Variants in DGKH observed in about 807,000 individuals in gnomAD.
DGKH encodes the protein DAG kinase eta.
A neutral mutation model predicts 159.3 loss-of-function variants in DGKH; 90 were observed. That is an observed-to-expected ratio of 0.57 (90% confidence interval 0.48 to 0.67). DGKH has a LOEUF of 0.67. Among genes scored for constraint, DGKH ranks in the 30% least tolerant of loss-of-function variants. The pLI, the probability that DGKH is intolerant of heterozygous loss-of-function variation, is 0.00. For synonymous variants in DGKH, 536 were observed against 553.8 expected, an observed-to-expected ratio of 0.97 and a Z score of 0.45; for missense variants, 1,181 against 1,506.1, an observed-to-expected ratio of 0.78 and a Z score of 3.57.
intron 12 of DGKH, among the ~76,000 whole-genome samples, chr13:42,177,121 A>G (rs1463412571): frequency 6.6e-6 from 1 of 152,148 alleles, no homozygotes; most frequent in Non-Finnish European, 1.5e-5. Context: ...TCACAAACTA[A>G]ACAAATCTAT....
At chr13:42,189,444 A>G in intron 15 of DGKH, 135 bp downstream of exon 15, 1 of 1,192,960 alleles carries the variant, frequency 8.4e-7, no homozygotes, top group Non-Finnish European at 1.1e-6. Context: ...AGATACAGTC[A>G]TTATAAGAAA....
intron 1 of DGKH, among the ~76,000 whole-genome samples, chr13:42,125,674 T>G (rs1247004714): frequency 2.6e-5 from 4 of 152,204 alleles, no homozygotes; most frequent in African/African-American, 9.6e-5. Context: ...AAATTCTTAT[T>G]GAAATTCAAA....
At chr13:42,082,849 C>T (rs971941970) in intron 1 of DGKH, among the ~76,000 whole-genome samples, 1 of 152,164 alleles carries the variant, frequency 6.6e-6, no homozygotes, top group Non-Finnish European at 1.5e-5. Context: ...CTAAAGCCTC[C>T]AAACCTTGCT....
In DGKH at chr13:42,048,832, G is replaced by C. The variant is rs779646121; in HGVS notation, c.59G>C (p.Gly20Ala). Residue 20 changes from glycine to alanine, a missense_variant, in exon 1 of 30, where the codon GGA (glycine) becomes GCA (alanine). Transcript: ENST00000337343. This position sits in a 1 kb window ranked among gnomAD's most constrained non-coding sequence, Gnocchi z 6.7. ...GGCGCCGCTGGAGGAGCGGCCGCCGGAGCCGGCGCCGCGGTCACCTCCGCC... is the reference window on the plus strand; with the variant it reads ...GGCGCCGCTGGAGGAGCGGCCGCCGCAGCCGGCGCCGCGGTCACCTCCGCC... The part of the protein sequence containing the change: ...PPGAAGGAAA[G>A]AGAAVTSAAA... The C allele has an allele frequency of 2.5e-5, 34 of 1,344,592 alleles. No individual in the cohort carries two copies. In the African/African-American group the frequency reaches 3.6e-4, roughly 14 times the overall value. The allele number at this position is 1,344,592 out of a possible 1,614,324, so 83.3% of individuals were successfully genotyped here.
At chr13:42,127,736 A>G (rs553459979) in intron 2 of DGKH, among the ~76,000 whole-genome samples, 163 bp downstream of exon 2, 39 of 152,320 alleles carry the variant, frequency 2.6e-4, no homozygotes, top group African/African-American at 8.4e-4. Flanking sequence ...AAGCGGGTCT[A>G]TTTGAGTCAG....
intron 29 of DGKH, among the ~76,000 whole-genome samples, chr13:42,248,409 G>C (rs1375074824): frequency 6.7e-6 from 1 of 149,370 alleles, no homozygotes; most frequent in Admixed American, 6.7e-5. Context: ...CTGGGTAACA[G>C]AGCGAGACAC....
At chr13:42,084,406 A>G (rs1001074676) in intron 1 of DGKH, among the ~76,000 whole-genome samples, 2 of 152,158 alleles carry the variant, frequency 1.3e-5, no homozygotes, top group African/African-American at 4.8e-5. Context: ...AGTGTTGTAT[A>G]TAAGAGTGCT....
intron 29 of DGKH, among the ~76,000 whole-genome samples, chr13:42,226,725 C>T (rs182302264): frequency 2.6e-4 from 40 of 151,936 alleles, no homozygotes; most frequent in African/African-American, 8.9e-4. Context: ...AGCATGGTGG[C>T]AGGTGCCTGT....
intron 29 of DGKH, among the ~76,000 whole-genome samples, chr13:42,251,204 A>T (rs1439535325): frequency 6.6e-6 from 1 of 152,194 alleles, no homozygotes; most frequent in East Asian, 1.9e-4. Context: ...GGCCGGGCAC[A>T]GTGGCTCACA....
Position 42,198,499 on chromosome 13 carries a change from C to T in DGKH, c.2189C>T (p.Ala730Val). The change falls in exon 18 of 30, where the codon GCC becomes GTC. Residue 730 changes from alanine to valine, a missense_variant. Physicochemically the swap from Ala to Val is moderately conservative, Grantham distance 64. Around this residue, in one of 5 missense-constraint regions of DGKH, gnomAD observed 257 missense variants for 281.5 expected, o/e 0.91. Transcript: ENST00000337343. The stretch of plus-strand genomic sequence containing the variant: ...CCAGGTTTAAGAGCAGGACTGGCTG[C>T]CTCAATTGCTGGGAGTTCGATTATC... ...ICPGLRAGLA[A>V]SIAGSSIINK... 1.2e-6 allele frequency: 2 copies of T among 1,613,716 alleles called. No homozygotes were observed. Among genetic ancestry groups the T allele is most frequent in the Non-Finnish European group, 1.7e-6 (2 of 1,179,786 alleles).
At chr13:42,173,969 G>GTT in intron 11 of DGKH, 91 bp from the exon 12 acceptor site, 3 of 777,856 alleles carry the variant, frequency 3.9e-6, no homozygotes, top group Non-Finnish European at 6.5e-6. Flanking sequence ...GCGTGCGTGT[G>GTT]TGTGTGTGTG....
In DGKH at chr13:42,214,562, G is replaced by A; in HGVS notation, c.3070G>A (p.Val1024Met). ...TTTGGAGCAAGAACTGGCCCATGCTGTGAATGCCTGCTCCCATGCCCTGAA... is the reference window on the plus strand; with the variant it reads ...TTTGGAGCAAGAACTGGCCCATGCTATGAATGCCTGCTCCCATGCCCTGAA... The part of the protein sequence containing the change: ...CLLEQELAHA[V>M]NACSHALNKA... The change falls in exon 25 of 30, where the codon GTG (valine) becomes ATG (methionine). Residue 1024 changes from valine to methionine, a missense_variant. Transcript: ENST00000337343. 1 of 1,613,716 alleles carries A rather than the reference G, an allele frequency of 6.2e-7. No individual in the cohort carries two copies. Among genetic ancestry groups the A allele is most frequent in the Non-Finnish European group, 8.5e-7 (1 of 1,179,742 alleles).
chr13:42,157,749 A>G (rs1956079057), intron 5 of DGKH, among the ~76,000 whole-genome samples: 1 of 152,140 alleles, frequency 6.6e-6, no homozygotes, highest in African/African-American at 2.4e-5. Context: ...CATTATTATC[A>G]TTATTATTAT....
At chr13:42,058,572 T>G (rs1881920856) in intron 1 of DGKH, among the ~76,000 whole-genome samples, 1 of 152,146 alleles carries the variant, frequency 6.6e-6, no homozygotes, top group Admixed American at 6.5e-5. Context: ...TCTCAGCTTG[T>G]CATGTACTAT....
At chr13:42,041,327 C>G (rs1880490095) in intron 1 of DGKH, among the ~76,000 whole-genome samples, 1 of 152,122 alleles carries the variant, frequency 6.6e-6, no homozygotes, top group African/African-American at 2.4e-5. Flanking sequence ...CTGGTCGTCA[C>G]CTGGGCGCGC....
intron 2 of DGKH, among the ~76,000 whole-genome samples, chr13:42,128,016 A>G (rs187275103): frequency 6.6e-4 from 101 of 152,196 alleles, no homozygotes; most frequent in African/African-American, 1.4e-3. Context: ...GCATATTCCA[A>G]TGGAGTGGCT....
intron 1 of DGKH, among the ~76,000 whole-genome samples, chr13:42,085,510 G>A (rs537430165): frequency 1.9e-4 from 29 of 152,164 alleles, no homozygotes; most frequent in African/African-American, 7.0e-4. Context: ...GAGCAATAAG[G>A]CTGCTATGAT....
chr13:42,070,500 A>T (rs1295613836), intron 1 of DGKH: 5 of 1,284,470 alleles, frequency 3.9e-6, no homozygotes, highest in East Asian at 2.3e-5. Flanking sequence ...AGACATGGAG[A>T]TCTGTACCAT....
intron 1 of DGKH, among the ~76,000 whole-genome samples, chr13:42,050,102 G>T (rs61959191): frequency 0.35 from 53,947 of 152,104 alleles, 10,275 homozygotes; most frequent in African/African-American, 0.5. Context: ...CGGTAACGGT[G>T]GCTCATGCCT....
Sources: allele counts gnomAD v4.1 joint callset (sites outside exome capture counted in the v4.1 genomes callset), GRCh38; gene constraint gnomAD v4.1.1; regional missense constraint gnomAD v4.1.1; non-coding constraint Gnocchi (gnomAD v3.1); transcripts MANE v1.5; gene names NCBI Gene and HGNC (gene_info 2026-07-23, HGNC 2026-07-21).